NTRK2: variants seen among roughly 807,000 people sequenced by gnomAD.
NTRK2 encodes the protein BDNF/NT-3 growth factors receptor.
A neutral mutation model predicts 94.5 loss-of-function variants in NTRK2; 13 were observed. That is an observed-to-expected ratio of 0.14 (90% confidence interval 0.09 to 0.22). The LOEUF is 0.22. Among genes scored for constraint, NTRK2 ranks in the 10% least tolerant of loss-of-function variants. The pLI is 1.00. For missense variants in NTRK2, 639 were observed against 1,071.2 expected (o/e 0.60, Z 5.63); for synonymous variants, 372 against 407.4 (o/e 0.91, Z 1.05).
chr9:84,774,675 G>A (rs2066864252), intron 12 of NTRK2, among the ~76,000 whole-genome samples: 2 of 152,184 alleles, frequency 1.3e-5, no homozygotes, highest in Non-Finnish European at 2.9e-5. Flanking sequence ...TCCATAGCCC[G>A]TCTTGGAGAA....
chr9:84,872,832 A>G, intron 14 of NTRK2: 1 of 1,064,812 alleles, frequency 9.4e-7, no homozygotes. Context: ...AGACATTATA[A>G]AGGGAGGGAG....
intron 10 of NTRK2, among the ~76,000 whole-genome samples, chr9:84,743,320 C>T (rs1019953275): frequency 5.3e-5 from 8 of 151,946 alleles, no homozygotes; most frequent in Admixed American, 2.6e-4. Context: ...GTAAAATATT[C>T]TGTTCCTTAA....
intron 12 of NTRK2, among the ~76,000 whole-genome samples, chr9:84,769,005 C>T (rs1246135822): frequency 6.6e-6 from 1 of 152,026 alleles, no homozygotes; most frequent in African/African-American, 2.4e-5. Flanking sequence ...TAATAGGATT[C>T]TTACCAATCC....
intron 12 of NTRK2, among the ~76,000 whole-genome samples, chr9:84,853,382 C>CTCTT (rs1427181618): frequency 5.9e-5 from 9 of 152,328 alleles, no homozygotes; most frequent in Admixed American, 4.6e-4. Context: ...TCTAGTCCAG[C>CTCTT]TCTTTATTCC....
chr9:84,703,340 G>T (rs996481781), intron 4 of NTRK2, among the ~76,000 whole-genome samples: 2 of 152,216 alleles, frequency 1.3e-5, no homozygotes, highest in Non-Finnish European at 2.9e-5. Flanking sequence ...TGGTAGGACA[G>T]ATCTTTTTTA....
intron 6 of NTRK2, among the ~76,000 whole-genome samples, chr9:84,716,820 C>CA (rs1269942171): frequency 6.6e-6 from 1 of 152,170 alleles, no homozygotes; most frequent in Non-Finnish European, 1.5e-5. Context: ...TAGTACCTGT[C>CA]ACTATTGTGA....
At chr9:84,886,902 C>T (rs1344279580) in intron 14 of NTRK2, among the ~76,000 whole-genome samples, 1 of 152,160 alleles carries the variant, frequency 6.6e-6, no homozygotes, top group Admixed American at 6.5e-5. Context: ...TTTGAAATCT[C>T]TGTATGAAAG....
chr9:84,905,134 C>T (rs574433498), intron 14 of NTRK2, among the ~76,000 whole-genome samples: 6 of 152,068 alleles, frequency 3.9e-5, no homozygotes, highest in Admixed American at 6.5e-5. Context: ...AGGTGAAACA[C>T]GAGTGGCAAA....
chr9:84,729,495 C>T (rs1000470294), intron 9 of NTRK2, among the ~76,000 whole-genome samples: 1 of 152,178 alleles, frequency 6.6e-6, no homozygotes, highest in South Asian at 2.1e-4. Context: ...TCCAGAGACA[C>T]TGATTTAGGA....
At position 84,867,936 on chromosome 9, in the gene NTRK2, G is replaced by A. The variant is rs1028128873; in HGVS notation, c.1633+505G>A. On this transcript the variant is annotated intron_variant, in intron 14 of 18. Transcript: ENST00000277120. ...CGAGTTCCCAGCATGAGGCCTTGTT[G>A]TGTTGCCACAATAGCAAAGAGACAT... 2.6e-5 allele frequency among the ~76,000 whole-genome samples: 4 copies of A among 152,214 alleles called. No homozygotes were observed. The East Asian group carries it at 7.7e-4, about 29-fold the overall frequency.
At chr9:84,977,725 T>C (rs1382118356) in intron 17 of NTRK2, among the ~76,000 whole-genome samples, 1 of 152,236 alleles carries the variant, frequency 6.6e-6, no homozygotes, top group Non-Finnish European at 1.5e-5. Flanking sequence ...CTTCACTTTA[T>C]TGCACTATGC....
At position 84,698,384 on chromosome 9, in the gene NTRK2, AATAT is replaced by A. The variant is rs10568238; in HGVS notation, c.213-3760_213-3757del. On this transcript the variant is annotated intron_variant, in intron 2 of 18. Transcript: ENST00000277120. ...CAAATATGTAGATCTGATTTAATCTAATATATATATATATATATCACCTTATTTT... is the reference window on the plus strand; with the variant it reads ...CAAATATGTAGATCTGATTTAATCTAATATATATATATATCACCTTATTTT... 9.0e-3 allele frequency among the ~76,000 whole-genome samples: 1,346 copies of A among 150,000 alleles called. 14 individuals are homozygous for A. Among genetic ancestry groups the A allele is most frequent in the Non-Finnish European group, 0.015 (1,009 of 67,422 alleles).
intron 12 of NTRK2, among the ~76,000 whole-genome samples, chr9:84,818,594 G>A (rs1048653950): frequency 1.3e-5 from 2 of 152,224 alleles, no homozygotes; most frequent in Non-Finnish European, 2.9e-5. Context: ...CATCAAGTCT[G>A]TAATTCAGCG....
At chr9:84,841,903 A>G (rs2074207910) in intron 12 of NTRK2, among the ~76,000 whole-genome samples, 1 of 152,242 alleles carries the variant, frequency 6.6e-6, no homozygotes, top group East Asian at 1.9e-4. Context: ...TCCCAGGTTG[A>G]ATCTAGGGCA....
At chr9:84,977,518 T>G (rs1827042568) in intron 17 of NTRK2, among the ~76,000 whole-genome samples, 1 of 152,226 alleles carries the variant, frequency 6.6e-6, no homozygotes, top group Admixed American at 6.5e-5. Flanking sequence ...ACTCAAATAT[T>G]TTTGCTGCTC....
chr9:84,915,423 C>G (rs937033433), intron 14 of NTRK2, among the ~76,000 whole-genome samples: 6 of 152,078 alleles, frequency 3.9e-5, no homozygotes, highest in Non-Finnish European at 7.4e-5. Flanking sequence ...TCTTGAGAGC[C>G]CTGGTTGTTG....
At chr9:84,702,061 G>GGA (rs1391120636) in intron 2 of NTRK2, 98 bp from the exon 3 acceptor site, 7 of 1,034,004 alleles carry the variant, frequency 6.8e-6, no homozygotes, top group Non-Finnish European at 1.0e-5. Flanking sequence ...TGGTGTGGAG[G>GGA]GAGCACCTTG....
At chr9:84,933,845 T>C (rs1249056391) in intron 14 of NTRK2, among the ~76,000 whole-genome samples, 4 of 152,234 alleles carry the variant, frequency 2.6e-5, no homozygotes, top group Admixed American at 2.6e-4. Context: ...ATAAGAAGCC[T>C]GCCATTAATG....
At chr9:84,751,799 CA>C (rs1297906832) in intron 11 of NTRK2, among the ~76,000 whole-genome samples, 186 bp from the exon 12 acceptor site, 1 of 152,184 alleles carries the variant, frequency 6.6e-6, no homozygotes, top group African/African-American at 2.4e-5. Flanking sequence ...ATAGATCTTA[CA>C]TACTTCACTA....
Sources: allele counts gnomAD v4.1 joint callset (sites outside exome capture counted in the v4.1 genomes callset), GRCh38; gene constraint gnomAD v4.1.1; transcripts MANE v1.5; gene names NCBI Gene and HGNC (gene_info 2026-07-23, HGNC 2026-07-21).